The following NDST3 variants were observed in gnomAD, a reference collection of about 807,000 sequenced individuals.
NDST3 encodes N-deacetylase and N-sulfotransferase 3, also known as bifunctional heparan sulfate N-deacetylase/N-sulfotransferase 3.
In NDST3, 58 loss-of-function variants were observed where a neutral mutation model predicts 96.1. The observed-to-expected ratio is 0.60, with a 90% CI of 0.49 to 0.75. The LOEUF (loss-of-function observed/expected upper bound fraction) is 0.75. Among genes scored for constraint, NDST3 ranks in the 30% least tolerant of loss-of-function variants. NDST3 has a pLI of 0.00. For synonymous variants in NDST3, 333 were observed against 359.7 expected, an observed-to-expected ratio of 0.93 and a Z score of 0.84; for missense variants, 788 against 1,034.2, an observed-to-expected ratio of 0.76 and a Z score of 3.27.
intron 5 of NDST3, among the ~76,000 whole-genome samples, chr4:118,142,141 G>T (rs946881952): frequency 6.6e-6 from 1 of 151,458 alleles, no homozygotes; most frequent in African/African-American, 2.4e-5. Context: ...TATTATTTTT[G>T]TGTATAGATA....
Position 118,054,633 on chromosome 4 carries a change from A to C in NDST3, c.723A>C (p.Pro241=), listed in dbSNP as rs150020867. ...TAATATTTGCCAAAGTAAAGACCCC[A>C]GAAAACCTTTCTCCTTCCATCTCTA... ...QPVIFAKVKT[P]ENLSPSISKG... The change falls in exon 2 of 14, where the codon CCA becomes CCC. Residue 241 remains proline, a synonymous_variant. Coordinates refer to ENST00000296499, the MANE Select transcript of NDST3 (RefSeq NM_004784.3). 448 of 1,613,300 alleles carry C rather than the reference A, an allele frequency of 2.8e-4. No individual in the cohort carries two copies. The African/African-American group carries it at 5.4e-3, about 19-fold the overall frequency.
chr4:118,251,528 C>T (rs1300916888), intron 12 of NDST3, among the ~76,000 whole-genome samples: 1 of 152,030 alleles, frequency 6.6e-6, no homozygotes, highest in Non-Finnish European at 1.5e-5. Flanking sequence ...TCCAATTTTT[C>T]TTGTGAAATT....
intron 4 of NDST3, among the ~76,000 whole-genome samples, chr4:118,121,033 T>G (rs1731521300): frequency 6.6e-6 from 1 of 152,216 alleles, no homozygotes; most frequent in Non-Finnish European, 1.5e-5. Context: ...TTTTTCAAAC[T>G]AAATGCTAGC....
At chr4:118,104,299 G>GAGAGAC (rs1026799049) in intron 2 of NDST3, among the ~76,000 whole-genome samples, 6 of 152,126 alleles carry the variant, frequency 3.9e-5, no homozygotes, top group African/African-American at 1.4e-4. Flanking sequence ...GTATGTGAGA[G>GAGAGAC]AGAGACAGAG....
At chr4:118,139,012 T>C (rs577466178) in intron 5 of NDST3, among the ~76,000 whole-genome samples, 1 of 152,324 alleles carries the variant, frequency 6.6e-6, no homozygotes, top group East Asian at 1.9e-4. Context: ...TGAACTGATA[T>C]GTCTGAAGAG....
At chr4:118,238,895 G>A (rs755682917) in intron 10 of NDST3, among the ~76,000 whole-genome samples, 2 of 152,126 alleles carry the variant, frequency 1.3e-5, no homozygotes, top group Non-Finnish European at 2.9e-5. Context: ...ATACGTAAGG[G>A]GATACATTTA....
At chr4:118,237,376 T>C (rs1244921939) in intron 10 of NDST3, among the ~76,000 whole-genome samples, 156 bp downstream of exon 10, 4 of 152,342 alleles carry the variant, frequency 2.6e-5, no homozygotes, top group Non-Finnish European at 4.4e-5. Context: ...TTGATTTCTA[T>C]TGAGAAATTT....
intron 5 of NDST3, among the ~76,000 whole-genome samples, chr4:118,141,932 T>G (rs1387834244): frequency 6.6e-6 from 1 of 152,132 alleles, no homozygotes; most frequent in Non-Finnish European, 1.5e-5. Context: ...AGCACTTAAC[T>G]AAATCTATTC....
intron 2 of NDST3, among the ~76,000 whole-genome samples, chr4:118,087,268 A>T (rs1728499634): frequency 6.6e-6 from 1 of 152,132 alleles, no homozygotes; most frequent in African/African-American, 2.4e-5. Context: ...TGTAACTTTT[A>T]TGTTTGTGTA....
At chr4:118,047,853 T>A (rs1222181152) in intron 1 of NDST3, among the ~76,000 whole-genome samples, 1 of 151,824 alleles carries the variant, frequency 6.6e-6, no homozygotes, top group African/African-American at 2.4e-5. Flanking sequence ...AGAGGTTGAG[T>A]TGCAAATTCA....
intron 8 of NDST3, among the ~76,000 whole-genome samples, chr4:118,227,618 T>TC (rs1578843521): frequency 6.8e-6 from 1 of 147,478 alleles, no homozygotes; most frequent in African/African-American, 2.5e-5. Flanking sequence ...TTTTTTTTTT[T>TC]TTTTTTTTTT....
intron 6 of NDST3, among the ~76,000 whole-genome samples, chr4:118,163,560 A>G (rs1735341442): frequency 6.6e-6 from 1 of 151,848 alleles, no homozygotes; most frequent in Non-Finnish European, 1.5e-5. Flanking sequence ...ATGAGAACAC[A>G]TGGACACAGG....
intron 12 of NDST3, among the ~76,000 whole-genome samples, chr4:118,244,816 A>T (rs1741213393): frequency 1.3e-5 from 2 of 152,198 alleles, no homozygotes; most frequent in South Asian, 4.1e-4. Context: ...AAAGATATAC[A>T]AAGTCACTGA....
intron 12 of NDST3, among the ~76,000 whole-genome samples, chr4:118,250,119 T>C (rs1741591965): frequency 6.6e-6 from 1 of 152,234 alleles, no homozygotes; most frequent in South Asian, 2.1e-4. Flanking sequence ...TTGATGGACA[T>C]GAGTAATTTG....
At chr4:118,062,873 T>C (rs746794281) in intron 2 of NDST3, among the ~76,000 whole-genome samples, 2 of 152,228 alleles carry the variant, frequency 1.3e-5, no homozygotes, top group South Asian at 2.1e-4. Context: ...AACAGGATAC[T>C]TGGTGACTGA....
chr4:118,072,851 A>G (rs1727198332), intron 2 of NDST3, among the ~76,000 whole-genome samples: 1 of 151,972 alleles, frequency 6.6e-6, no homozygotes, highest in South Asian at 2.1e-4. Flanking sequence ...TCAGTATGAT[A>G]TTGGCTGTGG....
intron 12 of NDST3, among the ~76,000 whole-genome samples, chr4:118,246,122 T>A (rs2126009916): frequency 6.6e-6 from 1 of 152,334 alleles, no homozygotes; most frequent in South Asian, 2.1e-4. Context: ...TAAAATCCAT[T>A]TCCAGGTGCA....
intron 1 of NDST3, among the ~76,000 whole-genome samples, chr4:118,040,857 TTATATATTTTTATATA>T (rs1724407093): frequency 7.5e-6 from 1 of 133,246 alleles, no homozygotes; most frequent in African/African-American, 2.7e-5. Flanking sequence ...ATATATATAT[TTATATATTTTTATATA>T]TATATATATT....
In NDST3 at chr4:118,126,531, TATACAC is replaced by T. The variant is rs1474962434; in HGVS notation, c.1225-11519_1225-11514del. On this transcript the variant is annotated intron_variant, in intron 4 of 13. Transcript: ENST00000296499. ...ATGTATGTGTATATATATATATATA[TATACAC>T]ATATATATATATATATACACCTCAT... 1.5e-3 allele frequency among the ~76,000 whole-genome samples: 17 copies of T among 11,596 alleles called. No individual in the cohort carries two copies. The East Asian group carries it at 0.029, about 20-fold the overall frequency. 7.6% of individuals were successfully genotyped at this position (11,596 alleles called of 152,430 possible).
Sources: allele counts gnomAD v4.1 joint callset (sites outside exome capture counted in the v4.1 genomes callset), GRCh38; gene constraint gnomAD v4.1.1; transcripts MANE v1.5; gene names NCBI Gene and HGNC (gene_info 2026-07-23, HGNC 2026-07-21).